RCHY1: variants seen among roughly 807,000 people sequenced by gnomAD.
The protein encoded by RCHY1 is RING finger and CHY zinc finger domain-containing protein 1.
In RCHY1, 21 loss-of-function variants were observed where a neutral mutation model predicts 41.6. The observed-to-expected ratio is 0.51, with a 90% confidence interval of 0.36 to 0.73. The LOEUF (loss-of-function observed/expected upper bound fraction) is 0.73, where lower values mean the gene tolerates loss of function less well. Ranked by LOEUF, RCHY1 falls within the 30% of genes least tolerant of loss-of-function variation. The pLI is 0.00. For synonymous variants in RCHY1, 79 were observed against 102.9 expected (o/e 0.77, Z 1.41); for missense variants, 265 against 325.3 (o/e 0.81, Z 1.43).
chr4:75,495,683 C>T (rs754506053), intron 3 of RCHY1, among the ~76,000 whole-genome samples: 1 of 152,048 alleles, frequency 6.6e-6, no homozygotes, highest in Non-Finnish European at 1.5e-5. Flanking sequence ...AGCTACACAA[C>T]TCAGATTTAT....
chr4:75,491,888 C>T lies in RCHY1; in HGVS notation c.450+1G>A. The T allele has an allele frequency of 6.2e-7, 1 of 1,608,860 alleles. No homozygotes were observed. The highest frequency in any genetic ancestry group is 8.5e-7 in the Non-Finnish European group (1 of 1,177,740). ...CAAAGTAAAAAATATTTTAAGCCTA[C>T]CTCCAAACATATTGGACAATTCTGT... On this transcript the variant is annotated splice_donor_variant, in intron 5 of 8. Transcript: ENST00000324439. LOFTEE classifies it high-confidence loss of function.
intron 3 of RCHY1, among the ~76,000 whole-genome samples, chr4:75,502,225 A>G (rs1038602536): frequency 6.6e-6 from 1 of 151,952 alleles, no homozygotes; most frequent in Admixed American, 6.6e-5. Context: ...ATATTTTGTG[A>G]CATTTATTCT....
At chr4:75,511,573 C>T (rs1724879717) in intron 1 of RCHY1, among the ~76,000 whole-genome samples, 1 of 152,106 alleles carries the variant, frequency 6.6e-6, no homozygotes. Context: ...TTTCAGTTTG[C>T]AGAAGTGTTT....
At chr4:75,513,920 C>T (rs964316371) in intron 1 of RCHY1, 2 of 297,628 alleles carry the variant, frequency 6.7e-6, no homozygotes, top group Middle Eastern at 1.8e-3. Flanking sequence ...TCTACTTCGG[C>T]AGCAAAAGAC....
chr4:75,503,511 A>G (rs1723993723), intron 3 of RCHY1, among the ~76,000 whole-genome samples: 1 of 152,170 alleles, frequency 6.6e-6, no homozygotes. Context: ...CCTGGCTAAC[A>G]AAGTGAAACC....
intron 8 of RCHY1, among the ~76,000 whole-genome samples, chr4:75,488,399 G>C (rs546970620): frequency 6.6e-6 from 1 of 152,168 alleles, no homozygotes; most frequent in Admixed American, 6.5e-5. Flanking sequence ...TTCATGAAAG[G>C]ATGAAAAGGA....
chr4:75,505,622 GA>G (rs1724223754), intron 3 of RCHY1, among the ~76,000 whole-genome samples: 2 of 151,200 alleles, frequency 1.3e-5, no homozygotes, highest in Non-Finnish European at 1.5e-5. Flanking sequence ...AAAACAAAAA[GA>G]AAAAAAGGCC....
In RCHY1 at chr4:75,491,450, A is replaced by G. The variant is rs145833459; in HGVS notation, c.536+161T>C. The G allele has an allele frequency of 7.9e-4, 483 of 609,942 alleles. 5 individuals are homozygous for G. The African/African-American group carries it at 8.0e-3, about 10-fold the overall frequency. 37.8% of individuals were successfully genotyped at this position (609,942 alleles called of 1,614,324 possible). On this transcript the variant is annotated intron_variant, in intron 7 of 8. Transcript: ENST00000324439. ...AAAAGTGTAGTTCTATATCCAAGAC[A>G]CTTTGTCCTGTTTTAACAATATTCA... is the stretch of plus-strand genomic sequence containing the variant.
chr4:75,501,949 A>G (rs1248921321), intron 3 of RCHY1, among the ~76,000 whole-genome samples: 1 of 151,972 alleles, frequency 6.6e-6, no homozygotes, highest in Non-Finnish European at 1.5e-5. Flanking sequence ...ATGGTGGCAC[A>G]TGCCTGTAAT....
chr4:75,506,185 A>C (rs774525221), intron 3 of RCHY1, among the ~76,000 whole-genome samples: 13 of 151,910 alleles, frequency 8.6e-5, no homozygotes, highest in Non-Finnish European at 1.9e-4. Flanking sequence ...AAATTGGATT[A>C]AGGTTATCCA....
chr4:75,504,358 A>G (rs1006360210), intron 3 of RCHY1, among the ~76,000 whole-genome samples: 2 of 152,150 alleles, frequency 1.3e-5, no homozygotes, highest in African/African-American at 4.8e-5. Context: ...AGCAAAGCCA[A>G]TCTCTCTTCT....
chr4:75,499,767 G>A (rs537945609), intron 3 of RCHY1, among the ~76,000 whole-genome samples: 184 of 152,288 alleles, frequency 1.2e-3, no homozygotes, highest in African/African-American at 4.3e-3. Flanking sequence ...AGCCTACAAG[G>A]GTAGGGAGGA....
At chr4:75,491,265 TATAACAA>T (rs1362866930) in intron 7 of RCHY1, 1 of 193,110 alleles carries the variant, frequency 5.2e-6, no homozygotes, top group African/African-American at 2.3e-5. Flanking sequence ...ACTTGGCCAA[TATAACAA>T]CCTAACAAAT....
intron 3 of RCHY1, among the ~76,000 whole-genome samples, chr4:75,501,155 A>T (rs1257887101): frequency 6.6e-6 from 1 of 152,152 alleles, no homozygotes; most frequent in Non-Finnish European, 1.5e-5. Flanking sequence ...GATTACAGAC[A>T]TATACCACCA....
intron 3 of RCHY1, among the ~76,000 whole-genome samples, chr4:75,500,515 A>T (rs1283452534): frequency 1.3e-5 from 2 of 152,240 alleles, no homozygotes; most frequent in Admixed American, 1.3e-4. Context: ...TCCAAAGATT[A>T]TCTATAACTA....
intron 1 of RCHY1, 199 bp downstream of exon 1, chr4:75,513,998 G>C (rs1020933836): frequency 4.2e-6 from 3 of 710,784 alleles, no homozygotes; most frequent in Non-Finnish European, 6.5e-6. Context: ...TTGCTTTAAA[G>C]GTACGAAGCA....
At chr4:75,513,918 G>C (rs1725239427) in intron 1 of RCHY1, 1 of 285,560 alleles carries the variant, frequency 3.5e-6, no homozygotes, top group Admixed American at 4.8e-5. Flanking sequence ...AGTCTACTTC[G>C]GCAGCAAAAG....
At chr4:75,514,173 G>A (rs749729881) in intron 1 of RCHY1, 24 bp downstream of exon 1, 1 of 1,595,560 alleles carries the variant, frequency 6.3e-7, no homozygotes, top group Non-Finnish European at 8.6e-7. Flanking sequence ...AGCTTGTCAG[G>A]GAAGAGTCCA....
At chr4:75,512,905 G>A (rs1183643551) in intron 1 of RCHY1, among the ~76,000 whole-genome samples, 2 of 18,342 alleles carry the variant, frequency 1.1e-4, no homozygotes, top group South Asian at 1.1e-3. Flanking sequence ...GTATTTAAGG[G>A]GGGGGGGGGG....
Sources: allele counts gnomAD v4.1 joint callset (sites outside exome capture counted in the v4.1 genomes callset), GRCh38; gene constraint gnomAD v4.1.1; transcripts MANE v1.5; gene names NCBI Gene and HGNC (gene_info 2026-07-23, HGNC 2026-07-21).